Variants in CALN1 observed in about 807,000 individuals in gnomAD.
CALN1 encodes calcium-binding protein 8.
Under a neutral mutation model 30.6 loss-of-function variants are expected in CALN1, and 17 were observed. That is an observed-to-expected ratio of 0.56 (90% confidence interval 0.38 to 0.83). The LOEUF is 0.83. Among genes scored for constraint, CALN1 ranks in the 40% least tolerant of loss-of-function variants. CALN1 has a pLI of 0.00. For missense variants in CALN1, 291 were observed against 354.9 expected, an observed-to-expected ratio of 0.82 and a Z score of 1.45; for synonymous variants, 156 against 131.4, an observed-to-expected ratio of 1.19 and a Z score of -1.28.
At chr7:72,293,079 T>C (rs574708480) in intron 2 of CALN1, among the ~76,000 whole-genome samples, 2 of 151,842 alleles carry the variant, frequency 1.3e-5, no homozygotes, top group African/African-American at 2.4e-5. Context: ...TTCCTTTCTT[T>C]CTAACTGATT....
intron 5 of CALN1, among the ~76,000 whole-genome samples, chr7:71,816,289 A>G (rs1253244845): frequency 1.3e-5 from 2 of 152,178 alleles, no homozygotes; most frequent in African/African-American, 4.8e-5. Flanking sequence ...TGTTTTCTGC[A>G]TTAGAGTTTA....
intron 2 of CALN1, among the ~76,000 whole-genome samples, chr7:72,373,117 A>G (rs900865452): frequency 1.3e-5 from 2 of 152,238 alleles, no homozygotes; most frequent in South Asian, 2.1e-4. Flanking sequence ...CAAAATTTAA[A>G]AAACACACTT....
chr7:72,297,315 G>GA lies in CALN1; in HGVS notation c.120-18506dup, dbSNP rs561512854. Among the ~76,000 whole-genome samples the GA allele has an allele frequency of 2.4e-3, 359 of 151,802 alleles. 3 individuals are homozygous for GA. Among genetic ancestry groups the GA allele is most frequent in the African/African-American group, 6.6e-3 (274 of 41,438 alleles). ...ACAACAAAATAAATTAAGAAAATAG[G>GA]AAAAAAAGGAAATAATGAAAGTGAA... is the stretch of plus-strand genomic sequence containing the variant. On this transcript the variant is annotated intron_variant, in intron 2 of 6. Transcript: ENST00000395275.
intron 2 of CALN1, among the ~76,000 whole-genome samples, chr7:72,298,799 G>C (rs1434091463): frequency 3.7e-5 from 2 of 53,454 alleles, no homozygotes; most frequent in Non-Finnish European, 1.3e-4. Context: ...AGATCTGATG[G>C]TTTTAAAAAA....
At chr7:72,439,485 G>T (rs1188623491) in intron 1 of CALN1, among the ~76,000 whole-genome samples, 1 of 151,908 alleles carries the variant, frequency 6.6e-6, no homozygotes, top group East Asian at 1.9e-4. Context: ...TAAAGAAGAG[G>T]AAATGTTATT....
chr7:72,369,805 G>A (rs1804113093), intron 2 of CALN1, among the ~76,000 whole-genome samples: 1 of 152,102 alleles, frequency 6.6e-6, no homozygotes, highest in South Asian at 2.1e-4. Context: ...TTGTGTCTAG[G>A]AATGGTTTTC....
chr7:72,313,832 C>A (rs1159581963), intron 2 of CALN1, among the ~76,000 whole-genome samples: 1 of 152,188 alleles, frequency 6.6e-6, no homozygotes, highest in Non-Finnish European at 1.5e-5. Context: ...GGGAGATACT[C>A]CCCTGTAAAC....
At chr7:72,219,005 A>G (rs1793064810) in intron 3 of CALN1, among the ~76,000 whole-genome samples, 2 of 152,082 alleles carry the variant, frequency 1.3e-5, no homozygotes. Flanking sequence ...TGAGAAGCAC[A>G]CCCCTGAAAC....
chr7:72,408,069 T>C (rs1402287150), intron 1 of CALN1, among the ~76,000 whole-genome samples: 2 of 152,000 alleles, frequency 1.3e-5, no homozygotes, highest in East Asian at 1.9e-4. Flanking sequence ...AAATAATTGG[T>C]GTTCAATAAA....
At chr7:72,158,579 G>C (rs1028364619) in intron 3 of CALN1, among the ~76,000 whole-genome samples, 2 of 152,116 alleles carry the variant, frequency 1.3e-5, no homozygotes, top group Non-Finnish European at 2.9e-5. Context: ...TGAGACCTGA[G>C]AGTAAGGCTA....
chr7:72,411,361 CAA>C (rs1404318806), intron 1 of CALN1, among the ~76,000 whole-genome samples: 5 of 151,818 alleles, frequency 3.3e-5, no homozygotes, highest in East Asian at 3.9e-4. Context: ...AGAAATCATA[CAA>C]AAGAGATTCA....
chr7:72,047,913 A>C (rs1290573704), intron 4 of CALN1, among the ~76,000 whole-genome samples: 1 of 152,122 alleles, frequency 6.6e-6, no homozygotes, highest in South Asian at 2.1e-4. Flanking sequence ...AATGCAGGGA[A>C]ATTGGATATT....
At chr7:72,187,243 G>T (rs1403355211) in intron 3 of CALN1, among the ~76,000 whole-genome samples, 1 of 152,094 alleles carries the variant, frequency 6.6e-6, no homozygotes, top group African/African-American at 2.4e-5. Context: ...ATTTTTCCAG[G>T]TTATCTCAGC....
intron 3 of CALN1, among the ~76,000 whole-genome samples, chr7:72,153,620 T>C (rs1787436436): frequency 6.6e-6 from 1 of 151,882 alleles, no homozygotes; most frequent in Admixed American, 6.6e-5. Context: ...AGTTCAAGGC[T>C]GCAGTGAGCC....
intron 3 of CALN1, among the ~76,000 whole-genome samples, chr7:72,127,486 G>A (rs1054886039): frequency 6.6e-6 from 1 of 152,180 alleles, no homozygotes; most frequent in African/African-American, 2.4e-5. Context: ...GATGCCTCTG[G>A]CTACTGGACT....
At chr7:71,874,777 C>T (rs1251060857) in intron 5 of CALN1, among the ~76,000 whole-genome samples, 5 of 152,000 alleles carry the variant, frequency 3.3e-5, no homozygotes, top group African/African-American at 4.8e-5. Context: ...GGGAGGCCAA[C>T]GAGAGAAACG....
intron 2 of CALN1, among the ~76,000 whole-genome samples, chr7:72,292,433 G>A (rs1265155681): frequency 6.7e-6 from 1 of 149,906 alleles, no homozygotes; most frequent in Non-Finnish European, 1.5e-5. Flanking sequence ...CTCATTAGCA[G>A]ATAGGGCCTT....
intron 5 of CALN1, among the ~76,000 whole-genome samples, chr7:71,962,178 A>G (rs140598051): frequency 0.012 from 1,817 of 151,768 alleles, 33 homozygotes; most frequent in African/African-American, 0.041. Flanking sequence ...GGATCACTTG[A>G]GGCCAGGAGT....
At chr7:72,449,780 C>G (rs111252440), upstream of CALN1, among the ~76,000 whole-genome samples, 11,734 of 139,148 alleles carry the variant, frequency 0.084, 714 homozygotes, top group African/African-American at 0.17. Context: ...GAGGCTGAGG[C>G]AGGAGAATGG....
Sources: allele counts gnomAD v4.1 joint callset (sites outside exome capture counted in the v4.1 genomes callset), GRCh38; gene constraint gnomAD v4.1.1; transcripts MANE v1.5; gene names NCBI Gene and HGNC (gene_info 2026-07-23, HGNC 2026-07-21).